RASAL2: variants seen among roughly 807,000 people sequenced by gnomAD.
RASAL2 encodes the protein ras GTPase-activating protein nGAP.
Under a neutral mutation model 128.9 loss-of-function variants are expected in RASAL2, and 58 were observed. That is an observed-to-expected ratio of 0.45 (90% CI 0.36 to 0.56). RASAL2 has a LOEUF of 0.56. Among genes scored for constraint, RASAL2 ranks in the 20% least tolerant of loss-of-function variants. The pLI, the probability that RASAL2 is intolerant of heterozygous loss-of-function variation, is 0.00. For synonymous variants in RASAL2, 561 were observed against 580.8 expected (o/e 0.97, Z 0.49); for missense variants, 1,360 against 1,601.6 (o/e 0.85, Z 2.57).
intron 1 of RASAL2, among the ~76,000 whole-genome samples, chr1:178,234,009 G>A (rs1664123049): frequency 6.6e-6 from 1 of 152,134 alleles, no homozygotes; most frequent in South Asian, 2.1e-4. Context: ...TATTTAATTA[G>A]CACAATTTTA....
intron 1 of RASAL2, among the ~76,000 whole-genome samples, chr1:178,252,537 G>A (rs894583472): frequency 3.3e-5 from 5 of 152,060 alleles, no homozygotes; most frequent in African/African-American, 1.2e-4. Context: ...TTTGGAATTG[G>A]CAGTCTAGTT....
chr1:178,342,578 A>G (rs1175933303), intron 3 of RASAL2, among the ~76,000 whole-genome samples: 1 of 152,202 alleles, frequency 6.6e-6, no homozygotes, highest in African/African-American at 2.4e-5. Flanking sequence ...ATCAAGAGGA[A>G]AAAATGGCTT....
chr1:178,285,310 C>T (rs953823295), intron 2 of RASAL2, among the ~76,000 whole-genome samples: 7 of 150,570 alleles, frequency 4.6e-5, no homozygotes, highest in African/African-American at 7.3e-5. Flanking sequence ...TTAGTAGAGA[C>T]GGGGTTTCAC....
At chr1:178,124,599 G>C (rs1659832420) in intron 1 of RASAL2, among the ~76,000 whole-genome samples, 1 of 152,102 alleles carries the variant, frequency 6.6e-6, no homozygotes, top group Admixed American at 6.6e-5. Flanking sequence ...TTTACCGTTA[G>C]TTTACTCTTT....
At chr1:178,281,870 T>C (rs1212678158) in intron 1 of RASAL2, among the ~76,000 whole-genome samples, 1 of 152,212 alleles carries the variant, frequency 6.6e-6, no homozygotes, top group Non-Finnish European at 1.5e-5. Flanking sequence ...ACATGGCTTT[T>C]AAATGTAGGC....
chr1:178,390,229 A>G (rs763722066), intron 4 of RASAL2, 23 bp downstream of exon 4: 4 of 1,543,330 alleles, frequency 2.6e-6, no homozygotes, highest in East Asian at 2.3e-5. Flanking sequence ...CTTCTTTATA[A>G]GAATATTTTA....
chr1:178,237,103 T>G (rs565791748), intron 1 of RASAL2, among the ~76,000 whole-genome samples: 1 of 152,202 alleles, frequency 6.6e-6, no homozygotes, highest in South Asian at 2.1e-4. Flanking sequence ...GGTTTAATCC[T>G]CCGAATAATC....
intron 1 of RASAL2, among the ~76,000 whole-genome samples, chr1:178,175,148 ATCTT>A (rs2101917964): frequency 6.6e-6 from 1 of 152,338 alleles, no homozygotes; most frequent in South Asian, 2.1e-4. Flanking sequence ...GGAAAGTATT[ATCTT>A]AGGTCCCTTT....
intron 1 of RASAL2, among the ~76,000 whole-genome samples, chr1:178,127,114 G>A (rs1437016932): frequency 2.0e-5 from 3 of 152,172 alleles, no homozygotes; most frequent in Non-Finnish European, 4.4e-5. Flanking sequence ...AACCTGTAAT[G>A]ATTAATATTT....
intron 11 of RASAL2, among the ~76,000 whole-genome samples, chr1:178,453,927 G>C (rs10913553): frequency 0.11 from 16,162 of 151,884 alleles, 911 homozygotes; most frequent in Middle Eastern, 0.15. Context: ...CATATTTATC[G>C]ATATTTGAGC....
At chr1:178,118,078 C>T (rs1228238677) in intron 1 of RASAL2, among the ~76,000 whole-genome samples, 4 of 151,710 alleles carry the variant, frequency 2.6e-5, no homozygotes, top group Non-Finnish European at 5.9e-5. Context: ...GCAGGAGAAT[C>T]CCTTGAACCC....
intron 14 of RASAL2, among the ~76,000 whole-genome samples, chr1:178,463,327 C>T (rs1647309630): frequency 6.6e-6 from 1 of 152,166 alleles, no homozygotes; most frequent in Non-Finnish European, 1.5e-5. Context: ...GGAGAAAGCA[C>T]TAATGTTCAA....
At chr1:178,457,634 A>G (rs760870125) in intron 13 of RASAL2, 49 bp from the exon 14 acceptor site, 6 of 1,576,680 alleles carry the variant, frequency 3.8e-6, no homozygotes, top group Non-Finnish European at 5.2e-6. Context: ...CATCTTAGCC[A>G]TGTTGAAGTT....
intron 3 of RASAL2, among the ~76,000 whole-genome samples, chr1:178,371,322 C>CACACACACACA (rs1671685261): frequency 1.6e-5 from 2 of 124,372 alleles, no homozygotes; most frequent in South Asian, 2.5e-4. Context: ...GCCTTCTTTC[C>CACACACACACA]CACACACACA....
intron 1 of RASAL2, among the ~76,000 whole-genome samples, chr1:178,270,164 A>C (rs1666178288): frequency 6.6e-6 from 1 of 152,030 alleles, no homozygotes; most frequent in African/African-American, 2.4e-5. Flanking sequence ...GATGTTTTAT[A>C]CATAACTGTT....
At chr1:178,203,539 TGATCCACTAG>T (rs2101971174) in intron 1 of RASAL2, among the ~76,000 whole-genome samples, 1 of 152,312 alleles carries the variant, frequency 6.6e-6, no homozygotes, top group East Asian at 1.9e-4. Flanking sequence ...TCACCCCTAG[TGATCCACTAG>T]CACAATTTTT....
chr1:178,204,826 C>T (rs141045110), intron 1 of RASAL2, among the ~76,000 whole-genome samples: 48 of 152,200 alleles, frequency 3.2e-4, no homozygotes, highest in Admixed American at 9.2e-4. Flanking sequence ...TGTGATTTAG[C>T]GTGTGCTTTC....
rs1373524991 is a variant in RASAL2, at chr1:178,442,898, A to G, written c.1151A>G (p.Glu384Gly). The change falls in exon 8 of 18, where the codon GAA (glutamate) becomes GGA (glycine). Residue 384 changes from glutamate (E) to glycine (G), a missense_variant. Transcript: ENST00000367649. The stretch of plus-strand genomic sequence containing the variant: ...ACAGTTCACATTTACAAGGATGTGG[A>G]AAAAAAGAAAAAAAAGGACAAGAAT... ...SITVHIYKDV[E>G]KKKKKDKNNY... is the part of the protein sequence containing the mutation. The G allele has an allele frequency of 1.5e-5, 24 of 1,613,648 alleles. No homozygotes were observed. Among genetic ancestry groups the G allele is most frequent in the Non-Finnish European group, 2.0e-5 (24 of 1,179,904 alleles).
At chr1:178,299,319 T>A (rs1312583995) in intron 2 of RASAL2, among the ~76,000 whole-genome samples, 1 of 152,220 alleles carries the variant, frequency 6.6e-6, no homozygotes, top group African/African-American at 2.4e-5. Context: ...TATTTCCATT[T>A]ATTTTATTTA....
Sources: allele counts gnomAD v4.1 joint callset (sites outside exome capture counted in the v4.1 genomes callset), GRCh38; gene constraint gnomAD v4.1.1; transcripts MANE v1.5; gene names NCBI Gene and HGNC (gene_info 2026-07-23, HGNC 2026-07-21).